RBPJ: variants seen among roughly 807,000 people sequenced by gnomAD.
The protein encoded by RBPJ is recombining binding protein suppressor of hairless.
A neutral mutation model predicts 67.8 loss-of-function variants in RBPJ; 9 were observed. The ratio of observed to expected loss-of-function variants is 0.13; its 90% CI spans 0.08 to 0.23. The LOEUF is 0.23. Among genes scored for constraint, RBPJ ranks in the 10% least tolerant of loss-of-function variants. The probability of loss-of-function intolerance (pLI) is 1.00; values close to 1 mark genes in which losing one functional copy is unlikely to be tolerated. For synonymous variants in RBPJ, 198 were observed against 203.3 expected (o/e 0.97, Z 0.22); for missense variants, 305 against 595.6 (o/e 0.51, Z 5.08).
At chr4:26,306,102 T>C (rs1350067882) in intron 1 of RBPJ, among the ~76,000 whole-genome samples, 2 of 152,148 alleles carry the variant, frequency 1.3e-5, no homozygotes, top group Non-Finnish European at 2.9e-5. Flanking sequence ...TAAAATTTTC[T>C]ATGCCTAAGA....
chr4:26,204,457 A>G (rs1718098529), intron 1 of RBPJ, among the ~76,000 whole-genome samples: 1 of 152,138 alleles, frequency 6.6e-6, no homozygotes, highest in African/African-American at 2.4e-5. Context: ...GTCCTTGGGG[A>G]CGGGTCTATG....
chr4:26,242,339 T>G (rs1306236417), intron 1 of RBPJ, among the ~76,000 whole-genome samples: 1 of 151,228 alleles, frequency 6.6e-6, no homozygotes, highest in Non-Finnish European at 1.5e-5. Context: ...TCCCAGCTAC[T>G]CGGGAGGCTG....
At chr4:26,196,656 C>CT (rs1375670570) in intron 1 of RBPJ, among the ~76,000 whole-genome samples, 3 of 152,174 alleles carry the variant, frequency 2.0e-5, no homozygotes, top group African/African-American at 7.2e-5. Context: ...TTCCACACTT[C>CT]TTGATTTAGT....
chr4:26,265,872 A>G (rs1186527366), intron 1 of RBPJ, among the ~76,000 whole-genome samples: 1 of 152,076 alleles, frequency 6.6e-6, no homozygotes, highest in Non-Finnish European at 1.5e-5. Context: ...CCCCTTCTCT[A>G]CTAAAAATAC....
intron 1 of RBPJ, among the ~76,000 whole-genome samples, chr4:26,269,455 C>T (rs915462893): frequency 1.3e-5 from 2 of 151,970 alleles, no homozygotes; most frequent in African/African-American, 4.8e-5. Context: ...AGGGTTTCAC[C>T]ATGTTGGCCA....
At chr4:26,255,764 T>C (rs1255356280) in intron 1 of RBPJ, among the ~76,000 whole-genome samples, 352 of 142,276 alleles carry the variant, frequency 2.5e-3, no homozygotes, top group Non-Finnish European at 3.7e-3. Flanking sequence ...ATCGTGCCAC[T>C]GCACTCCAGC....
chr4:26,202,433 C>G (rs1718011410), intron 1 of RBPJ, among the ~76,000 whole-genome samples: 1 of 152,008 alleles, frequency 6.6e-6, no homozygotes. Flanking sequence ...TATCTAAAAC[C>G]TGATCTTTCC....
At chr4:26,354,460 T>G (rs1727147508) in intron 1 of RBPJ, among the ~76,000 whole-genome samples, 1 of 150,420 alleles carries the variant, frequency 6.6e-6, no homozygotes, top group South Asian at 2.1e-4. Flanking sequence ...TGTTTTTTTT[T>G]TTTTTTTTTT....
At chr4:26,172,054 A>T (rs1716608914) in intron 1 of RBPJ, among the ~76,000 whole-genome samples, 1 of 152,238 alleles carries the variant, frequency 6.6e-6, no homozygotes, top group Non-Finnish European at 1.5e-5. Flanking sequence ...GCCGGAGGGC[A>T]GCGAAGGCTG....
chr4:26,377,114 TA>T (rs1162917416), intron 1 of RBPJ, among the ~76,000 whole-genome samples: 1 of 152,210 alleles, frequency 6.6e-6, no homozygotes, highest in South Asian at 2.1e-4. Context: ...TTAGATTAGG[TA>T]TCATTCAGTA....
At chr4:26,186,393 G>C (rs576391231) in intron 1 of RBPJ, among the ~76,000 whole-genome samples, 2 of 152,156 alleles carry the variant, frequency 1.3e-5, no homozygotes, top group South Asian at 4.1e-4. Context: ...AATTGGAACA[G>C]TGCCAGGTAC....
intron 1 of RBPJ, among the ~76,000 whole-genome samples, chr4:26,270,397 G>GAA (rs1182213427): frequency 6.5e-5 from 4 of 61,154 alleles, no homozygotes; most frequent in Admixed American, 2.2e-4. Context: ...AAGAAAGAAA[G>GAA]AAAGAAAGAA....
intron 2 of RBPJ, among the ~76,000 whole-genome samples, chr4:26,399,063 A>G (rs1732479675): frequency 6.6e-6 from 1 of 152,216 alleles, no homozygotes; most frequent in Non-Finnish European, 1.5e-5. Flanking sequence ...CTTTATATCC[A>G]GAATTTTAAA....
At chr4:26,406,025 G>A in intron 2 of RBPJ, 150 bp from the exon 3 acceptor site, 1 of 522,918 alleles carries the variant, frequency 1.9e-6, no homozygotes, top group Non-Finnish European at 3.5e-6. Context: ...TTTAATTTAT[G>A]GATTTACTTT....
At chr4:26,259,631 G>A (rs534168040) in intron 1 of RBPJ, among the ~76,000 whole-genome samples, 4 of 152,208 alleles carry the variant, frequency 2.6e-5, no homozygotes, top group Non-Finnish European at 2.9e-5. Flanking sequence ...TGCACCAGTT[G>A]TGCCACTCAG....
chr4:26,325,399 C>T (rs1465344170), intron 1 of RBPJ, among the ~76,000 whole-genome samples: 3 of 152,134 alleles, frequency 2.0e-5, no homozygotes, highest in Non-Finnish European at 2.9e-5. Context: ...CCCCTAGCAG[C>T]GTTCATTAAG....
At chr4:26,322,238 G>GT (rs1410741715) in intron 1 of RBPJ, 7 of 152,252 alleles carry the variant, frequency 4.6e-5, no homozygotes, top group African/African-American at 1.7e-4. Context: ...GTATATATGT[G>GT]TTTTTCTGTT....
intron 1 of RBPJ, among the ~76,000 whole-genome samples, chr4:26,251,716 C>T (rs185051935): frequency 2.0e-5 from 3 of 150,626 alleles, no homozygotes; most frequent in South Asian, 4.2e-4. Context: ...GATGTGGTGG[C>T]AGATGCCTGT....
intron 7 of RBPJ, among the ~76,000 whole-genome samples, chr4:26,426,817 AGAAACCAGTG>A (rs2109828368): frequency 6.6e-6 from 1 of 152,354 alleles, no homozygotes; most frequent in East Asian, 1.9e-4. Flanking sequence ...TGACTAGTAA[AGAAACCAGTG>A]GAGCTGGAGC....
Sources: gnomAD v4.1 joint callset for allele counts (sites outside exome capture counted in the v4.1 genomes callset) on GRCh38, gnomAD v4.1.1 for gene constraint, MANE v1.5 for transcripts, NCBI Gene and HGNC (gene_info 2026-07-23, HGNC 2026-07-21) for gene names.